The following PHF3 variants were observed in gnomAD, a reference collection of about 807,000 sequenced individuals.
PHF3 encodes the protein PHD finger protein 3.
A neutral mutation model predicts 178.4 loss-of-function variants in PHF3; 41 were observed. The observed-to-expected ratio is 0.23, with a 90% confidence interval of 0.18 to 0.30. PHF3 has a LOEUF of 0.30. Among genes scored for constraint, PHF3 ranks in the 10% least tolerant of loss-of-function variants. The pLI is 1.00. For synonymous variants in PHF3, 842 were observed against 800.5 expected (o/e 1.05, Z -0.88); for missense variants, 2,346 against 2,398.1 (o/e 0.98, Z 0.45).
intron 1 of PHF3, among the ~76,000 whole-genome samples, chr6:63,637,445 C>G (rs951695449): frequency 3.9e-5 from 6 of 152,202 alleles, no homozygotes; most frequent in African/African-American, 7.2e-5. Context: ...GCACCAGAAA[C>G]TTTTCTATTG....
chr6:63,694,537 G>A lies in PHF3; in HGVS notation c.2497-44G>A, dbSNP rs377232119. 18 of 1,304,346 alleles carry A rather than the reference G, an allele frequency of 1.4e-5. No individual in the cohort carries two copies. In the African/African-American group the frequency reaches 2.7e-4, roughly 20 times the overall value. The allele number at this position is 1,304,346 out of a possible 1,614,324, so 80.8% of individuals were successfully genotyped here. A position where few individuals can be genotyped will look rare whatever the true frequency, so the allele number is the denominator to read the frequency against. ...TTGTACGTCTTAAAAAACAAAGATT[G>A]TTTAGTTATTTTCATTCTAATGAAT... On this transcript the variant is annotated intron_variant, in intron 5 of 15. Transcript: ENST00000262043.
At chr6:63,682,088 C>T (rs188098419) in intron 3 of PHF3, among the ~76,000 whole-genome samples, 1 of 152,246 alleles carries the variant, frequency 6.6e-6, no homozygotes, top group African/African-American at 2.4e-5. Context: ...TACAGCCAGT[C>T]TCAACTGTGC....
chr6:63,659,152 A>G (rs1458815984), intron 2 of PHF3, among the ~76,000 whole-genome samples: 3 of 152,234 alleles, frequency 2.0e-5, no homozygotes, highest in Non-Finnish European at 2.9e-5. Context: ...ATCTCTCACC[A>G]CAAAAAAGTT....
intron 4 of PHF3, 106 bp downstream of exon 4, chr6:63,686,017 G>C: frequency 1.4e-6 from 1 of 726,778 alleles, no homozygotes; most frequent in Non-Finnish European, 2.2e-6. Context: ...TTGATACACA[G>C]AGACCTGTGC....
chr6:63,678,905 A>G lies in PHF3; in HGVS notation c.245-1095A>G, dbSNP rs970339. ...AAGATGAGGACTAGATAACTCCTTGAGGTTCCTTCTAACCCCTAGGATGAA... is the reference window on the plus strand; with the variant it reads ...AAGATGAGGACTAGATAACTCCTTGGGGTTCCTTCTAACCCCTAGGATGAA... On this transcript the variant is annotated intron_variant, in intron 2 of 15. Transcript: ENST00000262043. 6.9e-5 allele frequency: 30 copies of G among 435,912 alleles called. No homozygotes were observed. The Admixed American group carries it at 7.6e-4, about 11-fold the overall frequency. 27.0% of individuals were successfully genotyped at this position (435,912 alleles called of 1,614,324 possible). A position where few individuals can be genotyped will look rare whatever the true frequency, so the allele number is the denominator to read the frequency against.
intron 2 of PHF3, among the ~76,000 whole-genome samples, chr6:63,662,382 T>C (rs1325872289): frequency 6.6e-6 from 1 of 152,224 alleles, no homozygotes; most frequent in African/African-American, 2.4e-5. Flanking sequence ...AAGTAAGAAC[T>C]AGCTGAGTAA....
At chr6:63,690,570 C>G (rs897442685) in intron 4 of PHF3, among the ~76,000 whole-genome samples, 1 of 152,112 alleles carries the variant, frequency 6.6e-6, no homozygotes, top group Non-Finnish European at 1.5e-5. Context: ...AATATCCTCT[C>G]TCTTGGATTA....
At chr6:63,685,989 T>C in intron 4 of PHF3, 78 bp downstream of exon 4, 3 of 976,766 alleles carry the variant, frequency 3.1e-6, no homozygotes, top group Non-Finnish European at 4.6e-6. Context: ...AATGTGAGAA[T>C]TGTTTTAAAG....
chr6:63,666,823 C>T lies in PHF3; in HGVS notation c.245-13177C>T, dbSNP rs148381562. Among the ~76,000 whole-genome samples, 695 of 151,414 alleles carry T rather than the reference C, an allele frequency of 4.6e-3. 5 individuals carry two copies. The highest frequency in any genetic ancestry group is 0.016 in the African/African-American group (648 of 41,204). Reference sequence around the variant, plus strand: ...CTGGAGTGCAGTGGTGTAATCTCAGCTCACTGCACTGTCTGCCTCCCGGGT... The same window carrying T: ...CTGGAGTGCAGTGGTGTAATCTCAGTTCACTGCACTGTCTGCCTCCCGGGT... On this transcript the variant is annotated intron_variant, in intron 2 of 15. Coordinates refer to ENST00000262043, the MANE Select transcript of PHF3 (RefSeq NM_001370348.2).
intron 5 of PHF3, among the ~76,000 whole-genome samples, chr6:63,693,617 A>T (rs550296638): frequency 1.4e-4 from 21 of 152,360 alleles, no homozygotes; most frequent in African/African-American, 4.8e-4. Flanking sequence ...TCTCATAAAT[A>T]AATGAAAAGA....
chr6:63,694,282 T>C (rs908007505), intron 5 of PHF3, among the ~76,000 whole-genome samples: 2 of 152,212 alleles, frequency 1.3e-5, no homozygotes, highest in Admixed American at 1.3e-4. Context: ...TGTTTTAGAA[T>C]ATAGATACTT....
At chr6:63,684,085 C>A in intron 3 of PHF3, 44 bp from the exon 4 acceptor site, 1 of 1,405,534 alleles carries the variant, frequency 7.1e-7, no homozygotes, top group Non-Finnish European at 9.7e-7. Context: ...AAGCACATGA[C>A]AAAATAGCTA....
At chr6:63,703,302 C>G (rs941427961) in intron 10 of PHF3, among the ~76,000 whole-genome samples, 2 of 151,936 alleles carry the variant, frequency 1.3e-5, no homozygotes, top group Non-Finnish European at 2.9e-5. Context: ...TGAAATCTTA[C>G]TAGAAGGCTT....
In PHF3 at chr6:63,712,556, A is replaced by C. The variant is rs761319140; in HGVS notation, c.4968A>C (p.Ala1656=). Residue 1656 remains alanine (A), a synonymous_variant, in exon 16 of 16, where the codon GCA becomes GCC. Transcript: ENST00000262043. Reference sequence around the variant, plus strand: ...TGAAAAGGGATCCTAGGCAAGCAGCAGGACGAAGTCAGCCTGTAACTACTT... The same window carrying C: ...TGAAAAGGGATCCTAGGCAAGCAGCCGGACGAAGTCAGCCTGTAACTACTT... ...INLKRDPRQA[A]GRSQPVTTSE... 2 of 1,613,918 alleles carry C rather than the reference A, an allele frequency of 1.2e-6. No homozygotes were observed. Among genetic ancestry groups the C allele is most frequent in the Non-Finnish European group, 1.7e-6 (2 of 1,179,912 alleles).
At chr6:63,653,289 TGTG>T (rs919712023) in intron 2 of PHF3, among the ~76,000 whole-genome samples, 1 of 151,986 alleles carries the variant, frequency 6.6e-6, no homozygotes, top group African/African-American at 2.4e-5. Flanking sequence ...TGGTAGGTAA[TGTG>T]GTCATTTTCA....
chr6:63,694,567 T>A lies in PHF3; in HGVS notation c.2497-14T>A. Reference sequence around the variant, plus strand: ...GTTATTTTCATTCTAATGAATTAAGTACTCATTTTCCAGGAGTCTGGTGAA... The same window carrying A: ...GTTATTTTCATTCTAATGAATTAAGAACTCATTTTCCAGGAGTCTGGTGAA... On this transcript the variant is annotated splice_polypyrimidine_tract_variant and intron_variant, in intron 5 of 15. Transcript: ENST00000262043. 1 of 1,437,346 alleles carries A rather than the reference T, an allele frequency of 7.0e-7. No homozygotes were observed. The highest frequency in any genetic ancestry group is 9.2e-7 in the Non-Finnish European group (1 of 1,084,646). 89.0% of individuals were successfully genotyped at this position (1,437,346 alleles called of 1,614,324 possible). A position where few individuals can be genotyped will look rare whatever the true frequency, so the allele number is the denominator to read the frequency against.
intron 3 of PHF3, among the ~76,000 whole-genome samples, chr6:63,682,168 A>G (rs2149580118): frequency 6.6e-6 from 1 of 152,222 alleles, no homozygotes; most frequent in Non-Finnish European, 1.5e-5. Flanking sequence ...TTGGCTCAGG[A>G]CTAGGGAAGG....
At chr6:63,640,656 A>G (rs993807659) in intron 1 of PHF3, among the ~76,000 whole-genome samples, 2 of 152,116 alleles carry the variant, frequency 1.3e-5, no homozygotes, top group Non-Finnish European at 2.9e-5. Flanking sequence ...AAACAAACAA[A>G]CAAACAAAAC....
At position 63,713,197 on chromosome 6, in the gene PHF3, G is replaced by C. The variant is rs199624715; in HGVS notation, c.5609G>C (p.Gly1870Ala). ...CCAGGTCAGCCACAGCGTATGATGGGTCCTCTCTCACAAGCATCAAGGTAT... is the reference window on the plus strand; with the variant it reads ...CCAGGTCAGCCACAGCGTATGATGGCTCCTCTCTCACAAGCATCAAGGTAT... Reference protein sequence around the residue: ...HLPGQPQRMMGPLSQASRYIG... With the variant: ...HLPGQPQRMMAPLSQASRYIG... The change falls in exon 16 of 16, where the codon GGT becomes GCT. Residue 1870 changes from glycine to alanine, a missense_variant. By Grantham distance (60) the Gly-to-Ala change is moderately conservative (BLOSUM62 0). Transcript: ENST00000262043. 9 of 1,614,044 alleles carry C rather than the reference G, an allele frequency of 5.6e-6. No homozygotes were observed. Among genetic ancestry groups the C allele is most frequent in the Non-Finnish European group, 6.8e-6 (8 of 1,179,970 alleles).
Sources: gnomAD v4.1 joint callset for allele counts (sites outside exome capture counted in the v4.1 genomes callset) on GRCh38, gnomAD v4.1.1 for gene constraint, MANE v1.5 for transcripts, NCBI Gene and HGNC (gene_info 2026-07-23, HGNC 2026-07-21) for gene names.